The following DNAH5 variants were observed in gnomAD, a reference collection of about 807,000 sequenced individuals.
The protein encoded by DNAH5 is axonemal beta dynein heavy chain 5.
DNAH5 carries 372 observed loss-of-function variants against 518.2 expected under a neutral mutation model. The ratio of observed to expected loss-of-function variants is 0.72; its 90% CI spans 0.66 to 0.78. The LOEUF (loss-of-function observed/expected upper bound fraction) is 0.78. Ranked by LOEUF, DNAH5 falls within the 30% of genes least tolerant of loss-of-function variation. The pLI, the probability that DNAH5 is intolerant of heterozygous loss-of-function variation, is 0.00. For synonymous variants in DNAH5, 2,039 were observed against 2,025.9 expected (o/e 1.01, Z -0.17); for missense variants, 5,523 against 5,687.0 (o/e 0.97, Z 0.93).
chr5:13,769,578 C>T lies in DNAH5; in HGVS notation c.9643G>A (p.Glu3215Lys). Residue 3215 changes from glutamate (E) to lysine (K), a missense_variant, in exon 57 of 79, where the codon GAG becomes AAG. Coordinates refer to ENST00000265104, the MANE Select transcript of DNAH5 (RefSeq NM_001369.3). ...TGLEKLKEAS[E>K]SVAALSKELE... ...TCTTTACTCAAGGCTGCAACAGACT[C>T]TGAAGCTTCTTTGAGCTTTTCCAAT... 1 of 1,614,060 alleles carries T rather than the reference C, an allele frequency of 6.2e-7. No homozygotes were observed. The highest frequency in any genetic ancestry group is 8.5e-7 in the Non-Finnish European group (1 of 1,179,938).
rs373647772 is a variant in DNAH5 at position 13,716,674 on chromosome 5, G to C, written c.12722C>G (p.Thr4241Ser). ...AATCTCTCCTATCATGTAGCGGATG[G>C]TGGTCCAGGAGACACCCTGGGAAAT... ...MDVKKGVSWT[T>S]IRYMIGEIQY... The change falls in exon 74 of 79, where the codon ACC (threonine) becomes AGC (serine). Residue 4241 changes from threonine (T) to serine (S), a missense_variant. Coordinates refer to ENST00000265104, the MANE Select transcript of DNAH5 (RefSeq NM_001369.3). The C allele has an allele frequency of 6.2e-6, 10 of 1,613,156 alleles. No homozygotes were observed. Among genetic ancestry groups the C allele is most frequent in the Non-Finnish European group, 8.5e-6 (10 of 1,179,348 alleles).
intron 3 of DNAH5, among the ~76,000 whole-genome samples, chr5:13,925,786 A>G (rs952513231): frequency 2.6e-5 from 4 of 152,192 alleles, no homozygotes; most frequent in Non-Finnish European, 5.9e-5. Context: ...GAGCCAAACC[A>G]TATCATGCTA....
intron 53 of DNAH5, among the ~76,000 whole-genome samples, chr5:13,778,879 T>A (rs1754658398): frequency 6.6e-6 from 1 of 152,200 alleles, no homozygotes; most frequent in African/African-American, 2.4e-5. Context: ...CAGTAATGGA[T>A]CATTCCCAGT....
chr5:13,793,874 C>T, intron 48 of DNAH5, 62 bp downstream of exon 48: 1 of 1,579,292 alleles, frequency 6.3e-7, no homozygotes, highest in Non-Finnish European at 8.6e-7. Context: ...TTTTTAAAAA[C>T]TCTTCTAAGA....
intron 64 of DNAH5, among the ~76,000 whole-genome samples, chr5:13,751,480 T>C (rs997819295): frequency 6.6e-6 from 1 of 152,106 alleles, no homozygotes; most frequent in African/African-American, 2.4e-5. Context: ...TATACACACA[T>C]ATATATAATG....
intron 1 of DNAH5, among the ~76,000 whole-genome samples, chr5:13,967,096 A>G (rs1781577323): frequency 6.6e-6 from 1 of 152,112 alleles, no homozygotes; most frequent in African/African-American, 2.4e-5. Flanking sequence ...TCCTCACCTC[A>G]AGTGATTCAC....
At chr5:13,933,468 G>A (rs1213925653) in intron 1 of DNAH5, among the ~76,000 whole-genome samples, 1 of 152,178 alleles carries the variant, frequency 6.6e-6, no homozygotes, top group African/African-American at 2.4e-5. Context: ...TATCCCAGGA[G>A]CAAGGAGAAA....
In DNAH5 at chr5:13,891,464, C is replaced by T. The variant is rs1436443563; in HGVS notation, c.2432-343G>A. The stretch of plus-strand genomic sequence containing the variant: ...CTTTTGTTTTATTTCCTGGGGCCAT[C>T]GTTCCTTCTCTGTAACCAGTTTCTG... On this transcript the variant is annotated intron_variant, in intron 16 of 78. Transcript: ENST00000265104. Among the ~76,000 whole-genome samples the T allele has an allele frequency of 2.6e-5, 4 of 152,208 alleles. No homozygotes were observed. The East Asian group carries it at 7.7e-4, about 29-fold the overall frequency.
At chr5:13,809,566 T>C (rs1760258748) in intron 45 of DNAH5, among the ~76,000 whole-genome samples, 2 of 152,212 alleles carry the variant, frequency 1.3e-5, no homozygotes, top group African/African-American at 4.8e-5. Context: ...GGCTGATGCA[T>C]ATGTATATTA....
At chr5:13,937,847 C>G (rs752564625) in intron 1 of DNAH5, among the ~76,000 whole-genome samples, 1 of 152,022 alleles carries the variant, frequency 6.6e-6, no homozygotes, top group African/African-American at 2.4e-5. Context: ...TGTATTCATA[C>G]AGTAATGTAA....
intron 1 of DNAH5, among the ~76,000 whole-genome samples, chr5:13,999,864 G>T (rs1784229556): frequency 6.6e-6 from 1 of 152,188 alleles, no homozygotes. Flanking sequence ...GCCCTTTGTT[G>T]TTGCTGCTGT....
At chr5:13,790,812 G>A (rs1326605805) in intron 50 of DNAH5, among the ~76,000 whole-genome samples, 1 of 152,082 alleles carries the variant, frequency 6.6e-6, no homozygotes, top group African/African-American at 2.4e-5. Flanking sequence ...TTTTATACCA[G>A]TATGAAAACG....
intron 52 of DNAH5, among the ~76,000 whole-genome samples, chr5:13,783,027 G>A (rs1465991241): frequency 1.3e-5 from 2 of 152,194 alleles, no homozygotes; most frequent in East Asian, 1.9e-4. Context: ...CACAGAGACA[G>A]GAGTGATGGC....
intron 12 of DNAH5, among the ~76,000 whole-genome samples, chr5:13,902,578 C>T (rs368969461): frequency 2.0e-5 from 3 of 152,320 alleles, no homozygotes; most frequent in South Asian, 2.1e-4. Flanking sequence ...GAAAAAAAGT[C>T]ACCCTACAAT....
intron 30 of DNAH5, 112 bp from the exon 31 acceptor site, chr5:13,850,927 C>A: frequency 9.5e-7 from 1 of 1,052,942 alleles, no homozygotes; most frequent in Non-Finnish European, 1.5e-6. Context: ...TCCAGATATC[C>A]AAGCAATATA....
intron 65 of DNAH5, among the ~76,000 whole-genome samples, chr5:13,740,460 A>G (rs1019509227): frequency 6.6e-6 from 1 of 152,046 alleles, no homozygotes; most frequent in Non-Finnish European, 1.5e-5. Flanking sequence ...CTGGGACTTC[A>G]TTTCCTACTT....
Position 13,737,429 on chromosome 5 carries a change from G to C in DNAH5, c.11278C>G (p.Leu3760Val). 1.2e-6 allele frequency: 2 copies of C among 1,614,110 alleles called. No homozygotes were observed. Among genetic ancestry groups the C allele is most frequent in the African/African-American group, 1.3e-5 (1 of 75,046 alleles). Residue 3760 changes from leucine (L) to valine (V), a missense_variant, in exon 66 of 79, where the codon CTA becomes GTA. Leu to Val is a conservative substitution (Grantham distance 32). This residue lies in a region of DNAH5 where 5,121 missense variants were observed against 5,223.3 expected (regional missense o/e 0.98). Coordinates refer to ENST00000265104, the MANE Select transcript of DNAH5 (RefSeq NM_001369.3). ...VTANKRRMKELEDNLLYRLTS... is the reference protein window; with the variant it reads ...VTANKRRMKEVEDNLLYRLTS... ...AGGCGGTAAAGCAAGTTATCTTCTA[G>C]TTCCTTCATCCTTCTTTTGTTTGCA...
rs183336356 is a variant in DNAH5 at position 13,967,022 on chromosome 5, C to T, written c.13-35778G>A. On this transcript the variant is annotated intron_variant, in intron 1 of 78. Coordinates refer to the DNAH5 transcript ENST00000681290. ...GATTACAGATGTGCACCACCACACC[C>T]GGATAATTTTTGTATTTTTAGTAGA... Among the ~76,000 whole-genome samples the T allele has an allele frequency of 4.2e-3, 638 of 152,080 alleles. 7 individuals are homozygous for T. The highest frequency in any genetic ancestry group is 0.015 in the African/African-American group (614 of 41,484).
intron 1 of DNAH5, among the ~76,000 whole-genome samples, chr5:13,990,564 T>C (rs1783461968): frequency 7.7e-6 from 1 of 129,830 alleles, no homozygotes; most frequent in Non-Finnish European, 1.7e-5. Context: ...AAAAACAAAA[T>C]GAAGTAAAAT....
Sources: allele counts gnomAD v4.1 joint callset (sites outside exome capture counted in the v4.1 genomes callset), GRCh38; gene constraint gnomAD v4.1.1; regional missense constraint gnomAD v4.1.1; transcripts MANE v1.5; gene names NCBI Gene and HGNC (gene_info 2026-07-23, HGNC 2026-07-21).